Variants in KIR2DL1 observed in about 807,000 individuals in gnomAD.
KIR2DL1 encodes killer cell immunoglobulin like receptor, two Ig domains and long cytoplasmic tail 1, also known as killer cell immunoglobulin-like receptor 2DL1.
Under a neutral mutation model 33.9 loss-of-function variants are expected in KIR2DL1, and 38 were observed. That is an observed-to-expected ratio of 1.12 (90% confidence interval 0.86 to 1.47). The LOEUF (loss-of-function observed/expected upper bound fraction) is 1.47. Ranked by LOEUF, KIR2DL1 falls within the 40% of genes most tolerant of loss-of-function variation. KIR2DL1 has a pLI of 0.00. For synonymous variants in KIR2DL1, 179 were observed against 165.9 expected, an observed-to-expected ratio of 1.08 and a Z score of -0.61; for missense variants, 531 against 433.9, an observed-to-expected ratio of 1.22 and a Z score of -1.99.
chr19:54,780,189 C>T (rs1455707652), intron 5 of KIR2DL1: 9 of 499,946 alleles, frequency 1.8e-5, no homozygotes, highest in Non-Finnish European at 3.2e-5. Flanking sequence ...CAGGCGTGAG[C>T]CACTGTGCCC....
At chr19:54,776,419 AT>A (rs2076347753) in intron 4 of KIR2DL1, among the ~76,000 whole-genome samples, 1 of 145,692 alleles carries the variant, frequency 6.9e-6, no homozygotes, top group African/African-American at 2.5e-5. Context: ...ACAGGATGTT[AT>A]TCTTTCTATG....
In KIR2DL1 at chr19:54,769,872, AT is replaced by A. The variant is rs777695199; in HGVS notation, c.23del (p.Met8ArgfsTer32). The part of the protein sequence containing the change: MSLLVVS[M>X]ACVGFFLLQG... ...CACCATGTCGCTCTTGGTCGTCAGC[AT>A]GGCGTGTGTTGGTGAGTCCTGGAAA... is the stretch of plus-strand genomic sequence containing the variant. On this transcript the variant is annotated frameshift_variant, in exon 1 of 8. Coordinates refer to ENST00000336077, the MANE Select transcript of KIR2DL1 (RefSeq NM_014218.3). LOFTEE classifies it high-confidence loss of function. 5.1e-6 allele frequency: 8 copies of A among 1,569,170 alleles called. No homozygotes were observed. The highest frequency in any genetic ancestry group is 1.7e-5 in the Admixed American group (1 of 57,896).
chr19:54,779,655 T>C (rs1177172488), intron 5 of KIR2DL1, among the ~76,000 whole-genome samples: 1 of 148,348 alleles, frequency 6.7e-6, no homozygotes, highest in East Asian at 1.9e-4. Context: ...CCATCTGCAA[T>C]CTTCATTCCT....
chr19:54,778,623 A>G lies in KIR2DL1; in HGVS notation c.676A>G (p.Asn226Asp), dbSNP rs878909395. ...LLVSVTGNPS[N>D]SWPSPTEPSS... Reference sequence around the variant, plus strand: ...GTCTCATGTTCTAGGAAACCCTTCAAATAGTTGGCCTTCACCCACTGAACC... The same window carrying G: ...GTCTCATGTTCTAGGAAACCCTTCAGATAGTTGGCCTTCACCCACTGAACC... The change falls in exon 5 of 8, where the codon AAT (asparagine) becomes GAT (aspartate). Residue 226 changes from asparagine to aspartate, a missense_variant. By Grantham distance (23) the Asn-to-Asp change is conservative. Transcript: ENST00000336077. 15 of 1,570,212 alleles carry G rather than the reference A, an allele frequency of 9.6e-6. No homozygotes were observed. In the South Asian group the frequency reaches 1.5e-4, roughly 15 times the overall value.
intron 5 of KIR2DL1, among the ~76,000 whole-genome samples, chr19:54,779,122 C>T (rs2076683740): frequency 6.7e-6 from 1 of 148,228 alleles, no homozygotes; most frequent in African/African-American, 2.5e-5. Context: ...GAGAACAGAG[C>T]TCATGCACGC....
chr19:54,772,689 G>C (rs1157373170), intron 2 of KIR2DL1, among the ~76,000 whole-genome samples: 2 of 144,388 alleles, frequency 1.4e-5, no homozygotes, highest in African/African-American at 5.1e-5. Context: ...CTGGGCAAAG[G>C]AGTGAGACTC....
At chr19:54,782,887 G>C in intron 5 of KIR2DL1, 35 bp from the exon 6 acceptor site, 2 of 1,599,550 alleles carry the variant, frequency 1.3e-6, no homozygotes, top group Non-Finnish European at 8.6e-7. Context: ...GAACTGCTAA[G>C]ATTAGCTTCT....
At chr19:54,777,979 G>T (rs1229720749) in intron 4 of KIR2DL1, among the ~76,000 whole-genome samples, 2 of 148,652 alleles carry the variant, frequency 1.3e-5, no homozygotes, top group African/African-American at 4.9e-5. Context: ...CCATTGGATG[G>T]GCTGGGCTTG....
Position 54,784,052 on chromosome 19 carries a change from T to A in KIR2DL1, c.*239T>A, listed in dbSNP as rs1270549746. The A allele has an allele frequency of 8.7e-5, 58 of 666,318 alleles. No individual in the cohort carries two copies. Among genetic ancestry groups the A allele is most frequent in the Non-Finnish European group, 1.4e-4 (56 of 394,704 alleles). 41.3% of individuals were successfully genotyped at this position (666,318 alleles called of 1,614,324 possible). ...CCTTTGCTTAACCCACAGTTCTCCATTTCACTTGACCCCTGCCCACCTCTC... is the reference window on the plus strand; with the variant it reads ...CCTTTGCTTAACCCACAGTTCTCCAATTCACTTGACCCCTGCCCACCTCTC... On this transcript the variant is annotated 3_prime_UTR_variant, in exon 8 of 8. Coordinates refer to ENST00000336077, the MANE Select transcript of KIR2DL1 (RefSeq NM_014218.3).
In KIR2DL1 at chr19:54,784,138, A is replaced by G. The variant is rs559370976; in HGVS notation, c.*325A>G. 29 of 520,248 alleles carry G rather than the reference A, an allele frequency of 5.6e-5. No individual in the cohort carries two copies. Among genetic ancestry groups the G allele is most frequent in the East Asian group, 3.5e-4 (10 of 28,856 alleles). 32.2% of individuals were successfully genotyped at this position (520,248 alleles called of 1,614,324 possible). On this transcript the variant is annotated 3_prime_UTR_variant, in exon 8 of 8. Coordinates refer to ENST00000336077, the MANE Select transcript of KIR2DL1 (RefSeq NM_014218.3). Reference sequence around the variant, plus strand: ...CTGCAATCACACTGAGGAACTCACAATTCCAAACATACAAGAGGCTCCCTC... The same window carrying G: ...CTGCAATCACACTGAGGAACTCACAGTTCCAAACATACAAGAGGCTCCCTC...
intron 5 of KIR2DL1, among the ~76,000 whole-genome samples, chr19:54,779,577 C>T (rs1410392308): frequency 6.8e-6 from 1 of 146,304 alleles, no homozygotes; most frequent in Non-Finnish European, 1.5e-5. Flanking sequence ...GATGAAAATC[C>T]CTCATAATCT....
chr19:54,775,940 G>A (rs1444131296), intron 4 of KIR2DL1, among the ~76,000 whole-genome samples: 5 of 145,804 alleles, frequency 3.4e-5, no homozygotes, highest in African/African-American at 7.5e-5. Context: ...CCCCTATGAT[G>A]GAGTGCAGTG....
chr19:54,779,401 C>T (rs2076715707), intron 5 of KIR2DL1, among the ~76,000 whole-genome samples: 1 of 146,420 alleles, frequency 6.8e-6, no homozygotes, highest in Non-Finnish European at 1.5e-5. Flanking sequence ...GCTCCCAGTT[C>T]CTTGGCTCCT....
Position 54,775,035 on chromosome 19 carries a change from T to C in KIR2DL1, c.371-130T>C, listed in dbSNP as rs2076157747. ...AGGAGGAAATAGACATGAAGAGCGA[T>C]GGGGTAGAGGGTGAGAGAGAGAGAG... On this transcript the variant is annotated intron_variant, in intron 3 of 7. Coordinates refer to ENST00000336077, the MANE Select transcript of KIR2DL1 (RefSeq NM_014218.3). The C allele has an allele frequency of 8.7e-6, 11 of 1,260,132 alleles. No homozygotes were observed. In the East Asian group the frequency reaches 9.6e-5, roughly 11 times the overall value. 78.1% of individuals were successfully genotyped at this position (1,260,132 alleles called of 1,614,324 possible).
rs111965769 is a variant in KIR2DL1 at position 54,770,506 on chromosome 19, G to T, written c.35-343G>T. ...TGGAGAGGAGATATGGACCTGGAGT[G>T]GAGATAAGGGCCTGGATTGGAGATA... On this transcript the variant is annotated intron_variant, in intron 1 of 7. Transcript: ENST00000336077. Among the ~76,000 whole-genome samples, 7 of 146,410 alleles carry T rather than the reference G, an allele frequency of 4.8e-5. 1 individual carries two copies. Among genetic ancestry groups the T allele is most frequent in the Non-Finnish European group, 9.2e-5 (6 of 65,412 alleles).
chr19:54,783,428 T>C (rs1291195538), intron 6 of KIR2DL1, 58 bp from the exon 7 acceptor site: 2 of 1,587,370 alleles, frequency 1.3e-6, no homozygotes, highest in South Asian at 2.2e-5. Context: ...TATCTGCTTA[T>C]GAAATGAGGA....
In KIR2DL1 at chr19:54,783,516, GA is replaced by G. The variant is rs2077290155; in HGVS notation, c.851del (p.Asn284ThrfsTer17). On this transcript the variant is annotated frameshift_variant, in exon 7 of 8. Coordinates refer to ENST00000336077, the MANE Select transcript of KIR2DL1 (RefSeq NM_014218.3). LOFTEE classifies it low-confidence loss of function (END_TRUNC). ...GCGGTAATGGACCAAGAGTCTGCAG[GA>G]AACAGAACAGCGAATAGCGAGGTAG... is the stretch of plus-strand genomic sequence containing the variant. ...NAAVMDQESAGNRTANSEDSD... is the reference protein window; with the variant it reads ...NAAVMDQESAXNRTANSEDSD... 1 of 1,613,552 alleles carries G rather than the reference GA, an allele frequency of 6.2e-7. No homozygotes were observed. Among genetic ancestry groups the G allele is most frequent in the South Asian group, 1.1e-5 (1 of 91,064 alleles).
chr19:54,772,968 T>A (rs1261425606), intron 2 of KIR2DL1, among the ~76,000 whole-genome samples: 1 of 147,958 alleles, frequency 6.8e-6, no homozygotes, highest in Non-Finnish European at 1.5e-5. Flanking sequence ...AGGATTCCAA[T>A]TCGTCCAAAA....
At chr19:54,774,037 G>C (rs200553717) in intron 3 of KIR2DL1, among the ~76,000 whole-genome samples, 2 of 138,842 alleles carry the variant, frequency 1.4e-5, no homozygotes, top group Non-Finnish European at 3.2e-5. Context: ...GTTGGGCCCT[G>C]TGGCCTCAGG....
Sources: gnomAD v4.1 joint callset for allele counts (sites outside exome capture counted in the v4.1 genomes callset) on GRCh38, gnomAD v4.1.1 for gene constraint, MANE v1.5 for transcripts, NCBI Gene and HGNC (gene_info 2026-07-23, HGNC 2026-07-21) for gene names.